The following FHOD3 variants were observed in gnomAD, a reference collection of about 807,000 sequenced individuals.
FHOD3 encodes the protein formin homology 2 domain containing 3, also known as FH1/FH2 domain-containing protein 3.
A neutral mutation model predicts 173.0 loss-of-function variants in FHOD3; 90 were observed. The ratio of observed to expected loss-of-function variants is 0.52; its 90% CI spans 0.44 to 0.62. FHOD3 has a LOEUF of 0.62. Ranked by LOEUF, FHOD3 falls within the 20% of genes least tolerant of loss-of-function variation. FHOD3 has a pLI of 0.00. For synonymous variants in FHOD3, 828 were observed against 823.0 expected, an observed-to-expected ratio of 1.01 and a Z score of -0.10; for missense variants, 1,945 against 2,034.7, an observed-to-expected ratio of 0.96 and a Z score of 0.85.
chr18:36,332,693 A>G (rs2045083761), intron 1 of FHOD3, among the ~76,000 whole-genome samples: 1 of 152,204 alleles, frequency 6.6e-6, no homozygotes, highest in Non-Finnish European at 1.5e-5. Flanking sequence ...TGCACCTGCT[A>G]GGCAGGTTCT....
At chr18:36,621,627 T>A (rs138464686) in intron 9 of FHOD3, among the ~76,000 whole-genome samples, 115 of 152,372 alleles carry the variant, frequency 7.5e-4, no homozygotes, top group African/African-American at 2.7e-3. Flanking sequence ...TAAACACTTT[T>A]CAGGCTTCTG....
intron 3 of FHOD3, among the ~76,000 whole-genome samples, chr18:36,477,476 C>T (rs1370598227): frequency 6.6e-6 from 1 of 151,078 alleles, no homozygotes; most frequent in East Asian, 2.0e-4. Context: ...TATATAAATC[C>T]ACTCACCCAC....
intron 3 of FHOD3, among the ~76,000 whole-genome samples, chr18:36,403,741 G>T (rs2048930689): frequency 6.6e-6 from 1 of 152,222 alleles, no homozygotes. Flanking sequence ...TTTAAGGTGG[G>T]AATATTCGTA....
At chr18:36,705,113 G>A (rs1480794588) in intron 17 of FHOD3, among the ~76,000 whole-genome samples, 1 of 152,192 alleles carries the variant, frequency 6.6e-6, no homozygotes, top group African/African-American at 2.4e-5. Flanking sequence ...CTGTGATGCA[G>A]GTGGAGACAG....
chr18:36,448,412 C>T (rs1870825261), intron 3 of FHOD3, among the ~76,000 whole-genome samples: 1 of 152,088 alleles, frequency 6.6e-6, no homozygotes, highest in East Asian at 1.9e-4. Context: ...TTTATTTTAA[C>T]AATCAAGCCC....
chr18:36,761,106 G>T (rs1216972918), intron 27 of FHOD3, among the ~76,000 whole-genome samples: 3 of 152,136 alleles, frequency 2.0e-5, no homozygotes, highest in African/African-American at 7.2e-5. Context: ...ATAAAGTTTT[G>T]TTGGGACACA....
intron 2 of FHOD3, among the ~76,000 whole-genome samples, chr18:36,369,511 A>G (rs1447808217): frequency 8.9e-6 from 1 of 112,730 alleles, no homozygotes; most frequent in Non-Finnish European, 1.9e-5. Context: ...ATATATAGAG[A>G]GAGAGAGAGA....
intron 3 of FHOD3, among the ~76,000 whole-genome samples, chr18:36,434,300 C>T (rs1599101328): frequency 6.6e-6 from 1 of 152,160 alleles, no homozygotes; most frequent in African/African-American, 2.4e-5. Context: ...CGTTCAAACA[C>T]CATTTGTTGG....
chr18:36,344,038 A>G (rs1263699284), intron 1 of FHOD3, among the ~76,000 whole-genome samples: 4 of 152,230 alleles, frequency 2.6e-5, no homozygotes, highest in Admixed American at 6.5e-5. Flanking sequence ...TGAATATACT[A>G]TAAGCCGGAG....
intron 3 of FHOD3, among the ~76,000 whole-genome samples, chr18:36,479,085 T>C (rs940541583): frequency 1.3e-5 from 2 of 152,234 alleles, no homozygotes; most frequent in Non-Finnish European, 2.9e-5. Flanking sequence ...CGTGTCCCTT[T>C]CCAGTGGCCA....
At position 36,297,772 on chromosome 18, in the gene FHOD3, C is replaced by T; in HGVS notation, c.-64C>T. The T allele has an allele frequency of 1.4e-6, 2 of 1,395,630 alleles. No homozygotes were observed. Among genetic ancestry groups the T allele is most frequent in the Non-Finnish European group, 1.9e-6 (2 of 1,060,238 alleles). The allele number at this position is 1,395,630 out of a possible 1,614,324, so 86.5% of individuals were successfully genotyped here. ...TGCGGCCTCCCCTGCGCGCAGCTAC[C>T]CGGGCGTCCCGGCCCGCGGCCCCGC... On this transcript the variant is annotated 5_prime_UTR_variant, in exon 1 of 29. Coordinates refer to ENST00000590592, the MANE Select transcript of FHOD3 (RefSeq NM_001281740.3).
intron 14 of FHOD3, among the ~76,000 whole-genome samples, chr18:36,676,828 T>C (rs1461518605): frequency 6.6e-6 from 1 of 152,208 alleles, no homozygotes; most frequent in Non-Finnish European, 1.5e-5. Flanking sequence ...TCATTACCCT[T>C]TGCCCATTTT....
chr18:36,437,665 C>CTTTTTTTTTTTTTTTTTTTT (rs1555704498), intron 3 of FHOD3, among the ~76,000 whole-genome samples: 17 of 69,440 alleles, frequency 2.4e-4, no homozygotes, highest in African/African-American at 7.6e-4. Context: ...TTCTTTCTTT[C>CTTTTTTTTTTTTTTTTTTTT]TTTTTTTTTT....
At chr18:36,669,122 T>A (rs915162989) in intron 14 of FHOD3, among the ~76,000 whole-genome samples, 1 of 151,982 alleles carries the variant, frequency 6.6e-6, no homozygotes, top group Non-Finnish European at 1.5e-5. Context: ...TAGTTTTCCC[T>A]CGTATCTTGA....
intron 28 of FHOD3, among the ~76,000 whole-genome samples, chr18:36,771,706 T>C (rs1301663059): frequency 1.3e-5 from 2 of 152,166 alleles, no homozygotes; most frequent in African/African-American, 4.8e-5. Context: ...GTCTTTCTGG[T>C]GTGGGCAACC....
intron 8 of FHOD3, among the ~76,000 whole-genome samples, chr18:36,607,640 T>C (rs2032226006): frequency 6.6e-6 from 1 of 152,200 alleles, no homozygotes; most frequent in South Asian, 2.1e-4. Flanking sequence ...TACTCTACTT[T>C]CCTTTTAATA....
intron 3 of FHOD3, among the ~76,000 whole-genome samples, chr18:36,384,801 G>A (rs559810643): frequency 4.6e-5 from 7 of 152,166 alleles, no homozygotes; most frequent in Middle Eastern, 3.4e-3. Context: ...CAGTGAGAAC[G>A]GGGGACCTAG....
At chr18:36,568,056 G>T (rs1222754166) in intron 5 of FHOD3, among the ~76,000 whole-genome samples, 2 of 151,374 alleles carry the variant, frequency 1.3e-5, no homozygotes, top group East Asian at 3.9e-4. Flanking sequence ...GGGTGTGGTG[G>T]CTCAAGCCTG....
At chr18:36,773,661 T>A (rs573146267) in intron 28 of FHOD3, among the ~76,000 whole-genome samples, 1 of 152,158 alleles carries the variant, frequency 6.6e-6, no homozygotes, top group African/African-American at 2.4e-5. Flanking sequence ...CCAGGCTGTG[T>A]CTCACTGCTG....
Sources: allele counts gnomAD v4.1 joint callset (sites outside exome capture counted in the v4.1 genomes callset), GRCh38; gene constraint gnomAD v4.1.1; transcripts MANE v1.5; gene names NCBI Gene and HGNC (gene_info 2026-07-23, HGNC 2026-07-21).